The following MAF variants were observed in gnomAD, a reference collection of about 807,000 sequenced individuals.
MAF encodes transcription factor Maf.
MAF carries 10 observed loss-of-function variants against 22.0 expected under a neutral mutation model. The ratio of observed to expected loss-of-function variants is 0.45; its 90% confidence interval spans 0.28 to 0.77. The LOEUF (loss-of-function observed/expected upper bound fraction) is 0.77. Among genes scored for constraint, MAF ranks in the 30% least tolerant of loss-of-function variants. The pLI is 0.12. For synonymous variants in MAF, 337 were observed against 255.8 expected (o/e 1.32, Z -3.03); for missense variants, 544 against 548.4 (o/e 0.99, Z 0.08).
chr16:79,318,283 T>A, the MAF span, among the ~76,000 whole-genome samples: 2 of 152,162 alleles, frequency 1.3e-5, no homozygotes, highest in Non-Finnish European at 2.9e-5. Flanking sequence ...TTGAGAGCAT[T>A]GTCCTTTGGG....
At chr16:79,235,510 G>A in the MAF span, among the ~76,000 whole-genome samples, 6 of 151,920 alleles carry the variant, frequency 3.9e-5, no homozygotes, top group Admixed American at 1.3e-4. Flanking sequence ...AGGGGCAACC[G>A]CACTACTGCA....
chr16:79,444,737 G>A, the MAF span, among the ~76,000 whole-genome samples: 1 of 152,218 alleles, frequency 6.6e-6, no homozygotes. Flanking sequence ...AGAAGCCACA[G>A]AATGCTGCTT....
chr16:79,357,300 T>C, the MAF span, among the ~76,000 whole-genome samples: 5 of 131,902 alleles, frequency 3.8e-5, no homozygotes, highest in South Asian at 2.5e-4. Context: ...ACAACAACAA[T>C]TAGCTGGCCT....
At chr16:79,212,880 G>A in the MAF span, 77 of 151,406 alleles carry the variant, frequency 5.1e-4, no homozygotes, top group Middle Eastern at 3.4e-3. Context: ...TGTCTCACGC[G>A]ATTAGCATGC....
At chr16:79,306,221 T>C in the MAF span, among the ~76,000 whole-genome samples, 2 of 152,208 alleles carry the variant, frequency 1.3e-5, no homozygotes, top group Non-Finnish European at 2.9e-5. Flanking sequence ...AAGCGTCAAA[T>C]ATCTGCTTGA....
the MAF span, among the ~76,000 whole-genome samples, chr16:79,341,689 C>A: frequency 6.6e-6 from 1 of 152,148 alleles, no homozygotes; most frequent in South Asian, 2.1e-4. Context: ...TACATTTTAA[C>A]AATATAACTC....
the MAF span, among the ~76,000 whole-genome samples, chr16:79,414,012 T>A: frequency 6.6e-6 from 1 of 152,220 alleles, no homozygotes; most frequent in Non-Finnish European, 1.5e-5. Flanking sequence ...CTCAGCTGTC[T>A]GAGCTCACAA....
At chr16:79,521,665 C>G in the MAF span, among the ~76,000 whole-genome samples, 5 of 152,198 alleles carry the variant, frequency 3.3e-5, no homozygotes, top group Non-Finnish European at 7.3e-5. Context: ...GCAGCCACAT[C>G]TTTCCAGTGC....
chr16:79,567,414 A>T, the MAF span, among the ~76,000 whole-genome samples: 1 of 152,224 alleles, frequency 6.6e-6, no homozygotes, highest in Admixed American at 6.5e-5. Flanking sequence ...ACACAGATAC[A>T]TCCACATACT....
In MAF at chr16:79,599,887, C is replaced by T; in HGVS notation, c.16G>A (p.Ala6Thr). 6.2e-7 allele frequency: 1 copy of T among 1,601,322 alleles called. No individual in the cohort carries two copies. The highest frequency in any genetic ancestry group is 8.5e-7 in the Non-Finnish European group (1 of 1,179,182). MASEL[A>T]MSNSDLPTSP... ...GTGGGCAGGTCGGAGTTGCTCATTG[C>T]CAGTTCTGATGCCATTCTCCTGCCG... The change falls in exon 1 of 2, where the codon GCA (alanine) becomes ACA (threonine). Residue 6 changes from alanine to threonine, a missense_variant. Ala to Thr is a moderately conservative substitution (Grantham distance 58). Coordinates refer to ENST00000326043, the MANE Select transcript of MAF (RefSeq NM_005360.5).
the MAF span, among the ~76,000 whole-genome samples, chr16:79,399,639 A>C: frequency 6.6e-6 from 1 of 152,170 alleles, no homozygotes. Context: ...GGGATAGAAG[A>C]GGGTAGAAAG....
the MAF span, among the ~76,000 whole-genome samples, chr16:79,376,208 T>A: frequency 1.3e-5 from 2 of 152,176 alleles, no homozygotes; most frequent in African/African-American, 4.8e-5. Context: ...TTTAGTTGGT[T>A]TTATTTTTCC....
the MAF span, among the ~76,000 whole-genome samples, chr16:79,505,417 G>C: frequency 6.6e-6 from 1 of 152,146 alleles, no homozygotes; most frequent in Non-Finnish European, 1.5e-5. Context: ...CACGGGACAG[G>C]GGGGAAGCTT....
At chr16:79,252,348 TTG>T in the MAF span, among the ~76,000 whole-genome samples, 42 of 148,042 alleles carry the variant, frequency 2.8e-4, no homozygotes, top group East Asian at 8.1e-3. Context: ...CATATACTTT[TTG>T]TGTGTCACAA....
downstream of MAF, among the ~76,000 whole-genome samples, chr16:79,593,000 C>G (rs1046652216): frequency 3.9e-5 from 6 of 152,104 alleles, no homozygotes; most frequent in African/African-American, 1.2e-4. Context: ...GGAAATCAGA[C>G]GGCTGAAGGT....
At chr16:79,468,601 C>G in the MAF span, among the ~76,000 whole-genome samples, 1 of 152,216 alleles carries the variant, frequency 6.6e-6, no homozygotes, top group Non-Finnish European at 1.5e-5. Flanking sequence ...TGGCCTTAAC[C>G]TGCTCAGCCC....
the MAF span, among the ~76,000 whole-genome samples, chr16:79,365,923 T>C: frequency 6.6e-6 from 1 of 152,260 alleles, no homozygotes; most frequent in Non-Finnish European, 1.5e-5. Context: ...TCATCTGACC[T>C]GTTTGGACTT....
chr16:79,368,563 C>A, the MAF span, among the ~76,000 whole-genome samples: 1 of 152,008 alleles, frequency 6.6e-6, no homozygotes, highest in South Asian at 2.1e-4. Flanking sequence ...TACTGAAAAC[C>A]TTATGTCCTT....
intron 1 of MAF, chr16:79,595,268 G>A (rs1913448432): frequency 9.5e-7 from 1 of 1,048,178 alleles, no homozygotes; most frequent in Non-Finnish European, 1.2e-6. Flanking sequence ...ATAAAGGAAG[G>A]TCAAAATGTC....
Sources: gnomAD v4.1 joint callset for allele counts (sites outside exome capture counted in the v4.1 genomes callset) on GRCh38, gnomAD v4.1.1 for gene constraint, MANE v1.5 for transcripts, NCBI Gene and HGNC (gene_info 2026-07-23, HGNC 2026-07-21) for gene names.